PRUNE2: variants seen among roughly 807,000 people sequenced by gnomAD.
The protein encoded by PRUNE2 is prune homolog 2 with BCH domain.
PRUNE2 carries 164 observed loss-of-function variants against 252.0 expected under a neutral mutation model. That is an observed-to-expected ratio of 0.65 (90% CI 0.57 to 0.74). The LOEUF is 0.74. PRUNE2 is among the 30% of genes least tolerant of loss of function. The pLI is 0.00. For synonymous variants in PRUNE2, 1,292 were observed against 1,350.2 expected, an observed-to-expected ratio of 0.96 and a Z score of 0.94; for missense variants, 3,495 against 3,711.0, an observed-to-expected ratio of 0.94 and a Z score of 1.51.
chr9:76,644,104 G>T (rs1442782233), intron 12 of PRUNE2, among the ~76,000 whole-genome samples: 1 of 152,076 alleles, frequency 6.6e-6, no homozygotes, highest in Admixed American at 6.5e-5. Context: ...AATTAATCAA[G>T]GCCACATATG....
At chr9:76,672,159 T>A (rs1230105709) in intron 9 of PRUNE2, among the ~76,000 whole-genome samples, 1 of 150,872 alleles carries the variant, frequency 6.6e-6, no homozygotes, top group South Asian at 2.1e-4. Context: ...AGGAAACCCA[T>A]CTCACGTGCA....
chr9:76,720,176 G>C (rs940772588), intron 6 of PRUNE2, among the ~76,000 whole-genome samples: 13 of 152,172 alleles, frequency 8.5e-5, no homozygotes, highest in Admixed American at 7.2e-4. Flanking sequence ...TCATGATACA[G>C]TGTTAACTGG....
chr9:76,707,302 T>G lies in PRUNE2; in HGVS notation c.4972A>C (p.Ile1658Leu). 1 of 1,613,928 alleles carries G rather than the reference T, an allele frequency of 6.2e-7. No individual in the cohort carries two copies. The highest frequency in any genetic ancestry group is 8.5e-7 in the Non-Finnish European group (1 of 1,179,838). ...HSGTHQESNL[I>L]ASYQEKNEHD... ...TCATTTTTCTCCTGGTAGCTAGCAA[T>G]TAGATTGCTTTCCTGATGTGTCCCT... Residue 1658 changes from isoleucine to leucine, a missense_variant, in exon 8 of 19, where the codon ATT (isoleucine) becomes CTT (leucine). Coordinates refer to ENST00000376718, the MANE Select transcript of PRUNE2 (RefSeq NM_015225.3).
At chr9:76,888,840 T>TTTG (rs917790724) in intron 1 of PRUNE2, among the ~76,000 whole-genome samples, 1 of 151,832 alleles carries the variant, frequency 6.6e-6, no homozygotes, top group Non-Finnish European at 1.5e-5. Context: ...GTTAATGTTT[T>TTTG]TTGTTGTTGT....
At chr9:76,682,553 G>T (rs904715439) in intron 9 of PRUNE2, among the ~76,000 whole-genome samples, 1 of 151,984 alleles carries the variant, frequency 6.6e-6, no homozygotes, top group African/African-American at 2.4e-5. Context: ...AGTAAAGATG[G>T]AGTTTCTCCA....
chr9:76,904,915 C>A (rs888190055), intron 1 of PRUNE2, among the ~76,000 whole-genome samples: 5 of 152,164 alleles, frequency 3.3e-5, no homozygotes, highest in African/African-American at 1.2e-4. Context: ...CAGTAATAAC[C>A]CTGCAAATAT....
rs372489327 is a variant in PRUNE2, at chr9:76,655,804, C to T, written c.8277-302G>A. Among the ~76,000 whole-genome samples the T allele has an allele frequency of 1.8e-4, 27 of 152,250 alleles. No homozygotes were observed. The East Asian group carries it at 4.2e-3, about 24-fold the overall frequency. ...TGCAAACAACTAATAAAATATACTT[C>T]GGGGACATTTAATATATATATATTT... On this transcript the variant is annotated intron_variant, in intron 9 of 18. Coordinates refer to ENST00000376718, the MANE Select transcript of PRUNE2 (RefSeq NM_015225.3).
intron 6 of PRUNE2, chr9:76,784,627 T>C (rs2054779532): frequency 6.6e-6 from 1 of 152,246 alleles, no homozygotes; most frequent in Non-Finnish European, 1.5e-5. Context: ...TTCTACACTG[T>C]AGAATAACAT....
intron 12 of PRUNE2, among the ~76,000 whole-genome samples, chr9:76,641,414 T>C (rs1842537668): frequency 6.6e-6 from 1 of 152,186 alleles, no homozygotes; most frequent in Non-Finnish European, 1.5e-5. Context: ...CAGGTAATAC[T>C]GTAATTTTTC....
intron 6 of PRUNE2, among the ~76,000 whole-genome samples, chr9:76,715,291 C>T (rs1463591262): frequency 2.6e-5 from 4 of 152,182 alleles, no homozygotes; most frequent in African/African-American, 9.7e-5. Flanking sequence ...CCATCATACC[C>T]GTACTCTGTA....
intron 9 of PRUNE2, among the ~76,000 whole-genome samples, chr9:76,668,866 T>C (rs1270947448): frequency 6.7e-6 from 1 of 150,024 alleles, no homozygotes; most frequent in Non-Finnish European, 1.5e-5. Flanking sequence ...AACAGAAATT[T>C]ACTCGCTCAC....
intron 6 of PRUNE2, among the ~76,000 whole-genome samples, chr9:76,728,701 G>A (rs34792177): frequency 0.034 from 5,228 of 152,240 alleles, 141 homozygotes; most frequent in Non-Finnish European, 0.053. Flanking sequence ...AAAATGTAGT[G>A]CTTAAAAGAA....
chr9:76,891,608 A>C (rs1229940274), intron 1 of PRUNE2, among the ~76,000 whole-genome samples: 1 of 152,260 alleles, frequency 6.6e-6, no homozygotes, highest in Non-Finnish European at 1.5e-5. Flanking sequence ...CATCAGGATG[A>C]ATAGATTTCA....
chr9:76,743,211 T>C (rs1464185010), intron 6 of PRUNE2, among the ~76,000 whole-genome samples: 1 of 152,208 alleles, frequency 6.6e-6, no homozygotes, highest in African/African-American at 2.4e-5. Flanking sequence ...CTCTTTCCTT[T>C]ATAAATTACC....
intron 6 of PRUNE2, among the ~76,000 whole-genome samples, chr9:76,770,033 T>TA: frequency 6.6e-6 from 1 of 152,300 alleles, no homozygotes; most frequent in Middle Eastern, 3.4e-3. Flanking sequence ...ATTAGCATCA[T>TA]AACCTAATGC....
At chr9:76,657,984 A>G (rs1029615472) in intron 9 of PRUNE2, among the ~76,000 whole-genome samples, 3 of 152,208 alleles carry the variant, frequency 2.0e-5, no homozygotes, top group Non-Finnish European at 4.4e-5. Context: ...CTGTGTTAGC[A>G]TGCACCGGGG....
chr9:76,869,438 G>A (rs1312240514), intron 1 of PRUNE2, among the ~76,000 whole-genome samples: 2 of 152,106 alleles, frequency 1.3e-5, no homozygotes, highest in African/African-American at 4.8e-5. Flanking sequence ...CACCTTCCAG[G>A]TGACCTCTCA....
chr9:76,902,962 C>T lies in PRUNE2; in HGVS notation c.36+2966G>A, dbSNP rs149301013. ...GCCTCAATTTAAAGAGTAGTAGGGC[C>T]AGACTGGGATTAAAAATAGAATTGA... On this transcript the variant is annotated intron_variant, in intron 1 of 18. Coordinates refer to ENST00000376718, the MANE Select transcript of PRUNE2 (RefSeq NM_015225.3). Among the ~76,000 whole-genome samples, 841 of 152,298 alleles carry T rather than the reference C, an allele frequency of 5.5e-3. 8 individuals carry two copies. Among genetic ancestry groups the T allele is most frequent in the African/African-American group, 0.019 (809 of 41,574 alleles).
intron 18 of PRUNE2, among the ~76,000 whole-genome samples, chr9:76,618,904 A>G (rs1830852329): frequency 6.6e-6 from 1 of 152,186 alleles, no homozygotes; most frequent in Non-Finnish European, 1.5e-5. Flanking sequence ...GATCATTCCT[A>G]CAGTCTCATA....
Sources: allele counts gnomAD v4.1 joint callset (sites outside exome capture counted in the v4.1 genomes callset), GRCh38; gene constraint gnomAD v4.1.1; transcripts MANE v1.5; gene names NCBI Gene and HGNC (gene_info 2026-07-23, HGNC 2026-07-21).